CELF4: variants seen among roughly 807,000 people sequenced by gnomAD.
CELF4 encodes CUGBP Elav-like family member 4, also known as CUG-BP- and ETR-3-like factor 4.
A neutral mutation model predicts 59.9 loss-of-function variants in CELF4; 18 were observed. The ratio of observed to expected loss-of-function variants is 0.30; its 90% CI spans 0.21 to 0.45. CELF4 has a LOEUF of 0.45. Among genes scored for constraint, CELF4 ranks in the 20% least tolerant of loss-of-function variants. The pLI, the probability that CELF4 is intolerant of heterozygous loss-of-function variation, is 1.00. For missense variants in CELF4, 456 were observed against 689.0 expected (o/e 0.66, Z 3.79); for synonymous variants, 261 against 267.1 (o/e 0.98, Z 0.22).
chr18:37,421,739 G>A (rs943478313), intron 2 of CELF4, among the ~76,000 whole-genome samples: 2 of 152,264 alleles, frequency 1.3e-5, no homozygotes, highest in African/African-American at 4.8e-5. Context: ...TCTCTCTTTT[G>A]AGAGTGGGCT....
intron 1 of CELF4, among the ~76,000 whole-genome samples, chr18:37,538,283 T>C (rs963138583): frequency 1.3e-5 from 2 of 152,242 alleles, no homozygotes; most frequent in African/African-American, 4.8e-5. Context: ...CCTGGCTCGA[T>C]TCTTCACTGG....
chr18:37,455,912 C>T (rs1020061390), intron 2 of CELF4, among the ~76,000 whole-genome samples: 18 of 152,328 alleles, frequency 1.2e-4, no homozygotes, highest in African/African-American at 4.1e-4. Context: ...TGGAGCCTGT[C>T]TGCACCCCCA....
rs141146840 is a variant in CELF4, at chr18:37,534,151, ATTAG to A, written c.286+31201_286+31204del. On this transcript the variant is annotated intron_variant, in intron 1 of 12. Transcript: ENST00000420428. ...GCGTTTCCCGTATTCACATAGTTAA[ATTAG>A]TTAGCTGGATAGAAACCTCAGAGAT... is the stretch of plus-strand genomic sequence containing the variant. 3.8e-4 allele frequency among the ~76,000 whole-genome samples: 58 copies of A among 152,288 alleles called. No homozygotes were observed. In the East Asian group the frequency reaches 0.011, roughly 28 times the overall value.
chr18:37,475,797 C>T (rs137888507), intron 2 of CELF4, among the ~76,000 whole-genome samples: 2 of 152,314 alleles, frequency 1.3e-5, no homozygotes, highest in East Asian at 3.9e-4. Flanking sequence ...TTCTCACTCC[C>T]AATTCCAGGA....
intron 1 of CELF4, among the ~76,000 whole-genome samples, chr18:37,552,758 A>G (rs1011232234): frequency 6.6e-6 from 1 of 152,270 alleles, no homozygotes; most frequent in Non-Finnish European, 1.5e-5. Flanking sequence ...TGCTGGCTCC[A>G]GCTGGATGGT....
At chr18:37,452,517 G>GCAAGCCTATGT (rs2099766945) in intron 2 of CELF4, among the ~76,000 whole-genome samples, 1 of 152,090 alleles carries the variant, frequency 6.6e-6, no homozygotes, top group Admixed American at 6.5e-5. Context: ...AGGGACATAG[G>GCAAGCCTATGT]CTTGAGGGGC....
At position 37,253,889 on chromosome 18, in the gene CELF4, G is replaced by A; in HGVS notation, c.1383C>T (p.Ala461=). ...TCATGCCGATCTGGAAGCCGTTCAT[G>A]GCCTGGATGGCGGTCTGCGCGCTGG... ...NPASAQTAIQ[A]MNGFQIGMKR... is the part of the protein sequence containing the mutation. The change falls in exon 12 of 13, where the codon GCC becomes GCT. Residue 461 remains alanine (A), a synonymous_variant. Transcript: ENST00000420428. This position sits in a 1 kb window ranked among gnomAD's most constrained non-coding sequence, Gnocchi z 4.5. 1 of 1,609,178 alleles carries A rather than the reference G, an allele frequency of 6.2e-7. No homozygotes were observed. The highest frequency in any genetic ancestry group is 8.5e-7 in the Non-Finnish European group (1 of 1,178,040).
At position 37,274,807 on chromosome 18, in the gene CELF4, G is replaced by T. The variant is rs2092752280; in HGVS notation, c.655C>A (p.Pro219Thr). ...INALHGSQTM[P>T]GASSSLVVKF... is the part of the protein sequence containing the mutation. Reference sequence around the variant, plus strand: ...CGCCCCAAGGGGCCAGCACTCACCGGCATGGTCTGGCTGCCGTGTAGCGCG... The same window carrying T: ...CGCCCCAAGGGGCCAGCACTCACCGTCATGGTCTGGCTGCCGTGTAGCGCG... Residue 219 changes from proline to threonine, a missense_variant and splice_region_variant, in exon 5 of 13, where the codon CCG (proline) becomes ACG (threonine). Transcript: ENST00000420428. 6.3e-7 allele frequency: 1 copy of T among 1,596,152 alleles called. No individual in the cohort carries two copies. The highest frequency in any genetic ancestry group is 8.5e-7 in the Non-Finnish European group (1 of 1,173,182).
At chr18:37,532,515 G>T (rs2099970370) in intron 1 of CELF4, among the ~76,000 whole-genome samples, 2 of 152,124 alleles carry the variant, frequency 1.3e-5, no homozygotes, top group Admixed American at 1.3e-4. Context: ...TAAGAGAAAT[G>T]ATGATAGCCT....
chr18:37,542,413 T>A (rs2099978479), intron 1 of CELF4, among the ~76,000 whole-genome samples: 1 of 152,186 alleles, frequency 6.6e-6, no homozygotes, highest in Non-Finnish European at 1.5e-5. Context: ...TGAAGCCCAG[T>A]CATGAAGACC....
intron 2 of CELF4, among the ~76,000 whole-genome samples, chr18:37,359,403 G>A (rs1209608069): frequency 3.3e-5 from 5 of 152,072 alleles, no homozygotes; most frequent in Non-Finnish European, 7.4e-5. Flanking sequence ...GTGCAGTGGC[G>A]GGATTATAGC....
chr18:37,276,709 C>T (rs2093349581), intron 3 of CELF4: 1 of 152,194 alleles, frequency 6.6e-6, no homozygotes, highest in Non-Finnish European at 1.5e-5. Flanking sequence ...ATTCCTGACC[C>T]ATGGAATCCA....
At chr18:37,251,529 G>A (rs1473726000) in intron 12 of CELF4, among the ~76,000 whole-genome samples, 1 of 152,164 alleles carries the variant, frequency 6.6e-6, no homozygotes, top group Non-Finnish European at 1.5e-5. Context: ...ACATGACCCT[G>A]CCTGATTCAT....
At chr18:37,328,359 G>A (rs756739923) in intron 2 of CELF4, among the ~76,000 whole-genome samples, 6 of 152,218 alleles carry the variant, frequency 3.9e-5, no homozygotes, top group Admixed American at 6.5e-5. Flanking sequence ...GAGGATAGGC[G>A]CTGGCAGCCG....
intron 1 of CELF4, among the ~76,000 whole-genome samples, chr18:37,490,190 C>T (rs768051830): frequency 1.3e-5 from 2 of 152,086 alleles, no homozygotes; most frequent in African/African-American, 2.4e-5. Flanking sequence ...ACAATCAACT[C>T]GCCCATTATA....
At chr18:37,391,329 AC>A (rs1283690116) in intron 2 of CELF4, among the ~76,000 whole-genome samples, 1 of 152,138 alleles carries the variant, frequency 6.6e-6, no homozygotes, top group Admixed American at 6.5e-5. Context: ...AAGGAGCAGC[AC>A]CCTTGCCCGT....
At chr18:37,565,270 C>A (rs1044898016) in intron 1 of CELF4, 86 bp downstream of exon 1, 39 of 1,427,866 alleles carry the variant, frequency 2.7e-5, no homozygotes, top group Non-Finnish European at 3.6e-5. Flanking sequence ...TCGCTTAGTC[C>A]GCCGCTCGTC....
intron 2 of CELF4, among the ~76,000 whole-genome samples, chr18:37,443,330 A>G (rs2099738413): frequency 6.6e-6 from 1 of 152,050 alleles, no homozygotes; most frequent in African/African-American, 2.4e-5. Flanking sequence ...TCTGGGTTAG[A>G]TAAACAGGGG....
At chr18:37,535,626 A>G (rs1263974524) in intron 1 of CELF4, among the ~76,000 whole-genome samples, 2 of 152,174 alleles carry the variant, frequency 1.3e-5, no homozygotes, top group African/African-American at 4.8e-5. Context: ...TGTATTACTT[A>G]AGAGCGTTTA....
Sources: allele counts gnomAD v4.1 joint callset (sites outside exome capture counted in the v4.1 genomes callset), GRCh38; gene constraint gnomAD v4.1.1; non-coding constraint Gnocchi (gnomAD v3.1); transcripts MANE v1.5; gene names NCBI Gene and HGNC (gene_info 2026-07-23, HGNC 2026-07-21).